The following NRF1 variants were observed in gnomAD, a reference collection of about 807,000 sequenced individuals.
NRF1 encodes alpha palindromic-binding protein.
A neutral mutation model predicts 58.5 loss-of-function variants in NRF1; 5 were observed. The ratio of observed to expected loss-of-function variants is 0.09; its 90% CI spans 0.04 to 0.18. NRF1 has a LOEUF of 0.18. Among genes scored for constraint, NRF1 ranks in the 10% least tolerant of loss-of-function variants. The pLI is 1.00. For synonymous variants in NRF1, 224 were observed against 246.7 expected, an observed-to-expected ratio of 0.91 and a Z score of 0.86; for missense variants, 288 against 657.7, an observed-to-expected ratio of 0.44 and a Z score of 6.15.
chr7:129,748,396 G>A (rs1487633150), intron 10 of NRF1, among the ~76,000 whole-genome samples: 1 of 152,072 alleles, frequency 6.6e-6, no homozygotes, highest in Non-Finnish European at 1.5e-5. Context: ...ATGAATGGTG[G>A]CGGCAATAAA....
At chr7:129,634,117 A>G (rs1368151702) in intron 1 of NRF1, among the ~76,000 whole-genome samples, 1 of 151,032 alleles carries the variant, frequency 6.6e-6, no homozygotes, top group Non-Finnish European at 1.5e-5. Context: ...AGCTTTACAG[A>G]AAAATTGAGT....
chr7:129,677,411 C>T (rs1161799195), intron 3 of NRF1, among the ~76,000 whole-genome samples: 1 of 152,068 alleles, frequency 6.6e-6, no homozygotes, highest in Non-Finnish European at 1.5e-5. Context: ...GGCTATGTCC[C>T]AAAGCAAAAC....
chr7:129,750,262 G>A (rs569989886), intron 10 of NRF1, among the ~76,000 whole-genome samples: 3 of 152,272 alleles, frequency 2.0e-5, no homozygotes, highest in African/African-American at 7.2e-5. Flanking sequence ...GGCTAATCAG[G>A]GGCAGGCTGA....
At chr7:129,708,698 C>T (rs1013942409) in intron 5 of NRF1, among the ~76,000 whole-genome samples, 37 of 152,074 alleles carry the variant, frequency 2.4e-4, no homozygotes, top group African/African-American at 8.9e-4. Context: ...GCATGGATTC[C>T]TACTTCCAGA....
intron 3 of NRF1, among the ~76,000 whole-genome samples, chr7:129,674,414 G>C (rs1384553593): frequency 6.9e-6 from 1 of 144,050 alleles, no homozygotes; most frequent in African/African-American, 2.7e-5. Context: ...AAAAAAAAAA[G>C]CAATGTACAT....
chr7:129,753,421 C>T (rs1462087024), intron 10 of NRF1, among the ~76,000 whole-genome samples: 1 of 152,196 alleles, frequency 6.6e-6, no homozygotes, highest in Non-Finnish European at 1.5e-5. Flanking sequence ...CCTGTGTGAG[C>T]ATAGGAGTTG....
intron 10 of NRF1, among the ~76,000 whole-genome samples, chr7:129,745,993 A>G (rs1477926067): frequency 6.6e-6 from 1 of 152,232 alleles, no homozygotes; most frequent in African/African-American, 2.4e-5. Context: ...TCCAGAAAGC[A>G]GTTTTTCTTA....
chr7:129,744,264 G>A (rs1803919143), intron 10 of NRF1: 3 of 1,533,872 alleles, frequency 2.0e-6, no homozygotes, highest in Middle Eastern at 3.4e-4. Context: ...GGAAGCAGCT[G>A]GAGGATAGAG....
chr7:129,639,313 T>A (rs74781129), intron 1 of NRF1, among the ~76,000 whole-genome samples: 1 of 152,138 alleles, frequency 6.6e-6, no homozygotes, highest in East Asian at 1.9e-4. Flanking sequence ...TTTTGGTTAT[T>A]TGATCTTGAC....
At chr7:129,690,640 C>A (rs1802545174) in intron 5 of NRF1, 94 bp downstream of exon 5, 1 of 1,368,238 alleles carries the variant, frequency 7.3e-7, no homozygotes, top group South Asian at 1.3e-5. Flanking sequence ...CCTCAGTGAT[C>A]TGACCAGGGA....
chr7:129,658,429 CA>C (rs966811388), intron 2 of NRF1, among the ~76,000 whole-genome samples: 3 of 150,288 alleles, frequency 2.0e-5, no homozygotes, highest in East Asian at 1.9e-4. Flanking sequence ...CCATCTCTAC[CA>C]AAAAAAAATT....
chr7:129,734,147 T>C (rs1010208244), intron 10 of NRF1, among the ~76,000 whole-genome samples: 17 of 152,240 alleles, frequency 1.1e-4, no homozygotes, highest in Non-Finnish European at 2.1e-4. Context: ...TGTATCATTA[T>C]TTTATTCATT....
intron 10 of NRF1, among the ~76,000 whole-genome samples, chr7:129,744,477 C>A (rs1803924826): frequency 6.6e-6 from 1 of 152,112 alleles, no homozygotes. Context: ...CTACATTACC[C>A]AGGCTGGAGT....
At chr7:129,652,622 A>T (rs1801561896) in intron 1 of NRF1, among the ~76,000 whole-genome samples, 1 of 152,092 alleles carries the variant, frequency 6.6e-6, no homozygotes, top group Non-Finnish European at 1.5e-5. Context: ...TTTGAGACGG[A>T]GTCTCGCTCT....
At chr7:129,635,296 CTA>C (rs1801144295) in intron 1 of NRF1, among the ~76,000 whole-genome samples, 1 of 152,186 alleles carries the variant, frequency 6.6e-6, no homozygotes, top group Non-Finnish European at 1.5e-5. Flanking sequence ...TGTTTTAAGA[CTA>C]TGATAGCAGA....
At chr7:129,652,231 A>G (rs1801553853) in intron 1 of NRF1, among the ~76,000 whole-genome samples, 1 of 152,214 alleles carries the variant, frequency 6.6e-6, no homozygotes, top group African/African-American at 2.4e-5. Context: ...ACATGCAGCC[A>G]TAGAGGTCAT....
At chr7:129,633,787 GAT>G (rs1491153342) in intron 1 of NRF1, 1 of 83,914 alleles carries the variant, frequency 1.2e-5, no homozygotes, top group Non-Finnish European at 3.3e-5. Context: ...AACTATAAGT[GAT>G]GTGTGTGTGT....
At chr7:129,630,420 C>G (rs1801022335) in intron 1 of NRF1, among the ~76,000 whole-genome samples, 1 of 152,072 alleles carries the variant, frequency 6.6e-6, no homozygotes, top group African/African-American at 2.4e-5. Context: ...AGAGGGTCCT[C>G]AACTAGGATG....
intron 5 of NRF1, among the ~76,000 whole-genome samples, chr7:129,698,358 G>T (rs1398409792): frequency 6.6e-6 from 1 of 150,546 alleles, no homozygotes; most frequent in African/African-American, 2.4e-5. Context: ...GGGTCTGCAC[G>T]TTAGAAAACT....
Sources: gnomAD v4.1 joint callset for allele counts (sites outside exome capture counted in the v4.1 genomes callset) on GRCh38, gnomAD v4.1.1 for gene constraint, MANE v1.5 for transcripts, NCBI Gene and HGNC (gene_info 2026-07-23, HGNC 2026-07-21) for gene names.